ZNF366: variants seen among roughly 807,000 people sequenced by gnomAD.
ZNF366 encodes dendritic cell-specific transcript protein.
A neutral mutation model predicts 47.2 loss-of-function variants in ZNF366; 20 were observed. The observed-to-expected ratio is 0.42, with a 90% CI of 0.30 to 0.62. ZNF366 has a LOEUF of 0.62. Ranked by LOEUF, ZNF366 falls within the 20% of genes least tolerant of loss-of-function variation. ZNF366 has a pLI of 0.16. For missense variants in ZNF366, 987 were observed against 976.3 expected (o/e 1.01, Z -0.15); for synonymous variants, 421 against 395.1 (o/e 1.07, Z -0.78).
intron 1 of ZNF366, among the ~76,000 whole-genome samples, chr5:72,505,744 T>C (rs991867577): frequency 1.3e-5 from 2 of 152,230 alleles, no homozygotes; most frequent in Non-Finnish European, 2.9e-5. Context: ...TGCTGATAAA[T>C]GATGCAATAA....
intron 1 of ZNF366, among the ~76,000 whole-genome samples, chr5:72,498,672 T>A (rs569021203): frequency 1.3e-5 from 2 of 152,352 alleles, no homozygotes; most frequent in South Asian, 2.1e-4. Flanking sequence ...AGATTGAACA[T>A]CAGATACTAC....
chr5:72,476,608 T>C (rs1743679257), intron 1 of ZNF366, among the ~76,000 whole-genome samples: 1 of 152,114 alleles, frequency 6.6e-6, no homozygotes, highest in Non-Finnish European at 1.5e-5. Context: ...TATGTCAAGA[T>C]TGAGTTGATG....
At chr5:72,506,947 C>T (rs1435477911) in intron 1 of ZNF366, among the ~76,000 whole-genome samples, 2 of 152,196 alleles carry the variant, frequency 1.3e-5, no homozygotes, top group African/African-American at 2.4e-5. Flanking sequence ...CAGTGGGACA[C>T]ATCTCACACG....
At chr5:72,489,286 T>C (rs896784405) in intron 1 of ZNF366, among the ~76,000 whole-genome samples, 5 of 152,206 alleles carry the variant, frequency 3.3e-5, no homozygotes, top group African/African-American at 7.2e-5. Flanking sequence ...CATAGCAACC[T>C]GAAACATTTC....
intron 1 of ZNF366, among the ~76,000 whole-genome samples, chr5:72,467,782 T>A (rs1743464007): frequency 6.6e-6 from 1 of 152,218 alleles, no homozygotes; most frequent in African/African-American, 2.4e-5. Context: ...CTGGAGGCCC[T>A]GACTTCCCTT....
At chr5:72,468,895 T>C (rs2112335079) in intron 1 of ZNF366, among the ~76,000 whole-genome samples, 1 of 152,346 alleles carries the variant, frequency 6.6e-6, no homozygotes, top group South Asian at 2.1e-4. Context: ...CTCTTATAGA[T>C]GGTGCTCTAA....
intron 1 of ZNF366, among the ~76,000 whole-genome samples, chr5:72,489,862 T>C (rs1743969813): frequency 6.6e-6 from 1 of 152,146 alleles, no homozygotes; most frequent in South Asian, 2.1e-4. Context: ...CCTCTGAAAA[T>C]TTCCAACCAC....
At chr5:72,502,414 CAGAG>C (rs1440361951) in intron 1 of ZNF366, among the ~76,000 whole-genome samples, 1 of 152,174 alleles carries the variant, frequency 6.6e-6, no homozygotes, top group Non-Finnish European at 1.5e-5. Context: ...ATGTTCCTGT[CAGAG>C]GGAGATCTGT....
At chr5:72,469,700 T>C (rs1743518822) in intron 1 of ZNF366, among the ~76,000 whole-genome samples, 1 of 152,198 alleles carries the variant, frequency 6.6e-6, no homozygotes, top group East Asian at 1.9e-4. Flanking sequence ...TTGCCTTGAT[T>C]GCATGTTCAG....
chr5:72,449,915 T>C (rs1030730902), intron 3 of ZNF366, among the ~76,000 whole-genome samples: 1 of 152,008 alleles, frequency 6.6e-6, no homozygotes, highest in African/African-American at 2.4e-5. Flanking sequence ...GGCCAGAAGA[T>C]CAATTAGGCT....
rs571853082 is a variant in ZNF366, at chr5:72,446,041, T to C, written c.1699+1202A>G. On this transcript the variant is annotated intron_variant, in intron 4 of 4. Transcript: ENST00000318442. The stretch of plus-strand genomic sequence containing the variant: ...GTCTATCTGTTTATGAATATGCTTG[T>C]CCACTCCACCATCTCTTTTGTAAGG... Among the ~76,000 whole-genome samples the C allele has an allele frequency of 1.3e-4, 20 of 152,334 alleles. No individual in the cohort carries two copies. The South Asian group carries it at 3.3e-3, about 25-fold the overall frequency.
At chr5:72,481,153 A>C (rs1391015538) in intron 1 of ZNF366, among the ~76,000 whole-genome samples, 1 of 152,210 alleles carries the variant, frequency 6.6e-6, no homozygotes, top group Non-Finnish European at 1.5e-5. Flanking sequence ...AGAACAGAAG[A>C]AAGTCCTGAA....
chr5:72,455,238 C>T (rs1260957022), intron 3 of ZNF366, among the ~76,000 whole-genome samples: 2 of 152,116 alleles, frequency 1.3e-5, no homozygotes, highest in East Asian at 3.9e-4. Context: ...TGTCTGACCC[C>T]TCACCCCTTC....
chr5:72,479,652 A>T (rs564056597), intron 1 of ZNF366, among the ~76,000 whole-genome samples: 52 of 152,312 alleles, frequency 3.4e-4, no homozygotes, highest in African/African-American at 1.2e-3. Flanking sequence ...TGAATTTTTT[A>T]AAACTTTTTT....
chr5:72,447,427 A>T lies in ZNF366; in HGVS notation c.1525-10T>A. 6.2e-7 allele frequency: 1 copy of T among 1,613,974 alleles called. No homozygotes were observed. The highest frequency in any genetic ancestry group is 8.5e-7 in the Non-Finnish European group (1 of 1,179,978). ...ATTCCTTCCCACAAAGCTGTTGAAG[A>T]TGGGGATGAGAACACAGGTTACTCT... On this transcript the variant is annotated splice_polypyrimidine_tract_variant and intron_variant, in intron 3 of 4. Coordinates refer to ENST00000318442, the MANE Select transcript of ZNF366 (RefSeq NM_152625.3).
In ZNF366 at chr5:72,460,914, G is replaced by A; in HGVS notation, c.583C>T (p.Pro195Ser). 1 of 1,612,518 alleles carries A rather than the reference G, an allele frequency of 6.2e-7. No homozygotes were observed. The highest frequency in any genetic ancestry group is 1.1e-5 in the South Asian group (1 of 91,020). ...AAGGTGTGCCGGCTGAAGGGGAAGGGCGAGGACGAGGGCACGAAGAAGGGG... is the reference window on the plus strand; with the variant it reads ...AAGGTGTGCCGGCTGAAGGGGAAGGACGAGGACGAGGGCACGAAGAAGGGG... Reference protein sequence around the residue: ...MFPFFVPSSSPFPFSRHTFLP... With the variant: ...MFPFFVPSSSSFPFSRHTFLP... The change falls in exon 2 of 5, where the codon CCC becomes TCC. Residue 195 changes from proline (P) to serine (S), a missense_variant. Coordinates refer to ENST00000318442, the MANE Select transcript of ZNF366 (RefSeq NM_152625.3).
intron 1 of ZNF366, among the ~76,000 whole-genome samples, chr5:72,466,182 G>A (rs1012411371): frequency 3.3e-5 from 5 of 152,158 alleles, no homozygotes; most frequent in Non-Finnish European, 5.9e-5. Context: ...CAGCAGCGAA[G>A]GTGAACCACG....
At chr5:72,470,698 A>C (rs1346161430) in intron 1 of ZNF366, among the ~76,000 whole-genome samples, 1 of 152,216 alleles carries the variant, frequency 6.6e-6, no homozygotes, top group Admixed American at 6.5e-5. Context: ...ATCCCAAGCA[A>C]AATTTTTCCA....
rs1325295912 is a variant in ZNF366, at chr5:72,441,512, T to C, written c.*2244A>G. On this transcript the variant is annotated 3_prime_UTR_variant, in exon 5 of 5. Coordinates refer to ENST00000318442, the MANE Select transcript of ZNF366 (RefSeq NM_152625.3). ...TTGTAACCACAGAAACCCACAGTCT[T>C]CTCTTCACAATCTCCGTTGCAGGTG... 1 of 152,250 alleles carries C rather than the reference T, an allele frequency of 6.6e-6. No individual in the cohort carries two copies. The highest frequency in any genetic ancestry group is 1.5e-5 in the Non-Finnish European group (1 of 68,088). The allele number at this position is 152,250 out of a possible 1,614,324, so 9.4% of individuals were successfully genotyped here. A position where few individuals can be genotyped will look rare whatever the true frequency, so the allele number is the denominator to read the frequency against.
Sources: allele counts gnomAD v4.1 joint callset (sites outside exome capture counted in the v4.1 genomes callset), GRCh38; gene constraint gnomAD v4.1.1; transcripts MANE v1.5; gene names NCBI Gene and HGNC (gene_info 2026-07-23, HGNC 2026-07-21).